Variants in SLC17A5 observed in about 807,000 individuals in gnomAD.
SLC17A5 encodes sialin.
A neutral mutation model predicts 59.4 loss-of-function variants in SLC17A5; 47 were observed. That is an observed-to-expected ratio of 0.79 (90% confidence interval 0.63 to 1.01). The LOEUF is 1.01. Ranked by LOEUF, SLC17A5 falls within the 50% of genes least tolerant of loss-of-function variation. SLC17A5 has a pLI of 0.00. For synonymous variants in SLC17A5, 202 were observed against 210.7 expected (o/e 0.96, Z 0.36); for missense variants, 522 against 595.5 (o/e 0.88, Z 1.28).
At chr6:73,632,227 G>A (rs916400451) in intron 6 of SLC17A5, among the ~76,000 whole-genome samples, 2 of 147,240 alleles carry the variant, frequency 1.4e-5, no homozygotes, top group Non-Finnish European at 3.0e-5. Flanking sequence ...TGAACCTGTA[G>A]GGTTGAGGCT....
chr6:73,643,085 G>T (rs1250320399), intron 2 of SLC17A5, among the ~76,000 whole-genome samples: 1 of 152,026 alleles, frequency 6.6e-6, no homozygotes, highest in Admixed American at 6.6e-5. Flanking sequence ...TGATAGAGGA[G>T]ATTCATCTAA....
chr6:73,614,184 T>C (rs1275680942), intron 8 of SLC17A5, among the ~76,000 whole-genome samples: 10 of 152,142 alleles, frequency 6.6e-5, no homozygotes, highest in Admixed American at 6.6e-4. Context: ...GAGGATCACC[T>C]GAGGCTGAGG....
At chr6:73,606,398 T>TC (rs1167881158) in intron 9 of SLC17A5, among the ~76,000 whole-genome samples, 3 of 152,204 alleles carry the variant, frequency 2.0e-5, no homozygotes, top group Non-Finnish European at 2.9e-5. Flanking sequence ...ACAGCAGTCC[T>TC]CATTATCTGA....
intron 1 of SLC17A5, among the ~76,000 whole-genome samples, chr6:73,646,483 A>C (rs186202593): frequency 1.3e-5 from 2 of 152,250 alleles, no homozygotes; most frequent in Non-Finnish European, 2.9e-5. Flanking sequence ...ACAGCTATGA[A>C]ATTTATGGTA....
chr6:73,645,612 C>T (rs545050457), intron 1 of SLC17A5: 72 of 405,176 alleles, frequency 1.8e-4, no homozygotes, highest in Non-Finnish European at 2.4e-4. Context: ...CTCGGTGAAA[C>T]CCCGTCTCTA....
chr6:73,602,029 G>A (rs79440078), intron 9 of SLC17A5, among the ~76,000 whole-genome samples: 4 of 152,114 alleles, frequency 2.6e-5, no homozygotes, highest in African/African-American at 7.2e-5. Flanking sequence ...TTGAGAAATC[G>A]GATGGTTGCC....
At chr6:73,653,396 G>GC (rs754281034) in intron 1 of SLC17A5, 238 of 985,386 alleles carry the variant, frequency 2.4e-4, no homozygotes, top group Non-Finnish European at 2.7e-4. Flanking sequence ...TCGGACCTTA[G>GC]CCCATTCATT....
intron 7 of SLC17A5, among the ~76,000 whole-genome samples, chr6:73,616,972 A>G (rs1275531923): frequency 1.3e-5 from 2 of 151,848 alleles, no homozygotes; most frequent in Non-Finnish European, 2.9e-5. Context: ...AGCATTGCCT[A>G]TTCTACTTCC....
At chr6:73,614,932 A>G (rs534827245) in intron 8 of SLC17A5, among the ~76,000 whole-genome samples, 3 of 152,168 alleles carry the variant, frequency 2.0e-5, no homozygotes, top group Non-Finnish European at 4.4e-5. Flanking sequence ...GATTAACTGA[A>G]CCTGACAAGA....
intron 7 of SLC17A5, chr6:73,618,672 A>C (rs1461719832): frequency 1.0e-5 from 3 of 291,672 alleles, no homozygotes; most frequent in Non-Finnish European, 2.0e-5. Context: ...AAAAAATGAG[A>C]GATATGTGAC....
intron 7 of SLC17A5, chr6:73,618,477 G>A (rs1019384860): frequency 2.6e-5 from 12 of 467,552 alleles, no homozygotes; most frequent in East Asian, 4.6e-5. Context: ...AAATCATCAC[G>A]GTCTTTACTC....
At chr6:73,607,568 C>T (rs1581960521) in intron 9 of SLC17A5, among the ~76,000 whole-genome samples, 2 of 152,124 alleles carry the variant, frequency 1.3e-5, no homozygotes, top group Middle Eastern at 3.4e-3. Context: ...ACCCGGCCGA[C>T]CATAGCTCCA....
intron 6 of SLC17A5, among the ~76,000 whole-genome samples, chr6:73,622,780 A>T (rs970203667): frequency 6.6e-6 from 1 of 152,320 alleles, no homozygotes; most frequent in African/African-American, 2.4e-5. Flanking sequence ...TGGTCTTTAA[A>T]GCAGGGTAAA....
intron 9 of SLC17A5, among the ~76,000 whole-genome samples, chr6:73,605,480 A>G (rs536841552): frequency 3.3e-5 from 5 of 152,264 alleles, no homozygotes; most frequent in Admixed American, 2.6e-4. Flanking sequence ...ATCCCCAATA[A>G]GATATGTAGC....
intron 2 of SLC17A5, among the ~76,000 whole-genome samples, chr6:73,642,165 A>G (rs1250620832): frequency 1.3e-5 from 2 of 152,236 alleles, no homozygotes; most frequent in East Asian, 3.9e-4. Context: ...ATAAAACTAG[A>G]CTGCAGGATG....
chr6:73,600,507 T>A, intron 9 of SLC17A5, 66 bp from the exon 10 acceptor site: 5 of 1,101,806 alleles, frequency 4.5e-6, no homozygotes, highest in Non-Finnish European at 6.4e-6. Flanking sequence ...ATTCTTTCCT[T>A]CTTTTTTTTT....
At chr6:73,651,138 T>C (rs1769838122) in intron 1 of SLC17A5, among the ~76,000 whole-genome samples, 1 of 152,164 alleles carries the variant, frequency 6.6e-6, no homozygotes, top group African/African-American at 2.4e-5. Context: ...TGGACATTAT[T>C]GAGATCCTGA....
chr6:73,629,460 T>A (rs1279170401), intron 6 of SLC17A5, among the ~76,000 whole-genome samples: 1 of 150,802 alleles, frequency 6.6e-6, no homozygotes, highest in Non-Finnish European at 1.5e-5. Flanking sequence ...GAAAACCCCA[T>A]GATATCCTTG....
At chr6:73,647,905 C>T (rs1380995264) in intron 1 of SLC17A5, among the ~76,000 whole-genome samples, 1 of 152,110 alleles carries the variant, frequency 6.6e-6, no homozygotes, top group East Asian at 1.9e-4. Flanking sequence ...CCCGTCTCTA[C>T]TAAAAATACA....
Sources: allele counts gnomAD v4.1 joint callset (sites outside exome capture counted in the v4.1 genomes callset), GRCh38; gene constraint gnomAD v4.1.1; transcripts MANE v1.5; gene names NCBI Gene and HGNC (gene_info 2026-07-23, HGNC 2026-07-21).